Variants in SEZ6L observed in about 807,000 individuals in gnomAD.
SEZ6L encodes the protein seizure related 6 homolog like.
A neutral mutation model predicts 106.2 loss-of-function variants in SEZ6L; 37 were observed. The observed-to-expected ratio is 0.35, with a 90% confidence interval of 0.27 to 0.46. The LOEUF (loss-of-function observed/expected upper bound fraction) is 0.46, where lower values mean the gene tolerates loss of function less well. Ranked by LOEUF, SEZ6L falls within the 20% of genes least tolerant of loss-of-function variation. SEZ6L has a pLI of 1.00. For missense variants in SEZ6L, 1,172 were observed against 1,332.8 expected, an observed-to-expected ratio of 0.88 and a Z score of 1.88; for synonymous variants, 541 against 570.4, an observed-to-expected ratio of 0.95 and a Z score of 0.73.
rs1230779974 is a variant in SEZ6L at position 26,311,798 on chromosome 22, A to G, written c.1712A>G (p.Tyr571Cys). 1.2e-6 allele frequency: 2 copies of G among 1,614,174 alleles called. No homozygotes were observed. Among genetic ancestry groups the G allele is most frequent in the East Asian group, 2.2e-5 (1 of 44,882 alleles). ...AFEKGHCYEP[Y>C]IQNGNFTTSD... ...GAGAAAGGCCACTGCTATGAGCCCT[A>G]CATCCAGAATGGGAACTTCACTACA... Residue 571 changes from tyrosine (Y) to cysteine (C), a missense_variant, in exon 8 of 17, where the codon TAC becomes TGC. By Grantham distance (194) the Tyr-to-Cys change is radical. Coordinates refer to ENST00000248933, the MANE Select transcript of SEZ6L (RefSeq NM_021115.5).
chr22:26,365,215 A>G (rs1352489826), intron 12 of SEZ6L, among the ~76,000 whole-genome samples, 157 bp from the exon 13 acceptor site: 1 of 152,194 alleles, frequency 6.6e-6, no homozygotes, highest in East Asian at 1.9e-4. Context: ...GAAGACAGAA[A>G]GAACAGTTTG....
intron 1 of SEZ6L, among the ~76,000 whole-genome samples, chr22:26,266,948 G>C (rs1477122851): frequency 6.6e-6 from 1 of 152,164 alleles, no homozygotes; most frequent in Non-Finnish European, 1.5e-5. Flanking sequence ...TGTAAAGAAG[G>C]CTTTGCAAAG....
At chr22:26,365,250 A>C in intron 12 of SEZ6L, 122 bp from the exon 13 acceptor site, 1 of 736,444 alleles carries the variant, frequency 1.4e-6, no homozygotes, top group Non-Finnish European at 2.3e-6. Context: ...GTCTGATGCA[A>C]GGTGGGGATG....
At chr22:26,211,734 G>A (rs1309034662) in intron 1 of SEZ6L, among the ~76,000 whole-genome samples, 1 of 145,060 alleles carries the variant, frequency 6.9e-6, no homozygotes, top group Non-Finnish European at 1.5e-5. Context: ...ACTCAGCAGG[G>A]TGAGGTGAGA....
At chr22:26,344,170 T>C (rs766240968) in intron 10 of SEZ6L, among the ~76,000 whole-genome samples, 1 of 152,202 alleles carries the variant, frequency 6.6e-6, no homozygotes, top group Non-Finnish European at 1.5e-5. Context: ...GGCCAAAGTT[T>C]ATCTGCTATG....
chr22:26,358,431 A>G (rs12628785), intron 12 of SEZ6L, among the ~76,000 whole-genome samples: 1,685 of 152,334 alleles, frequency 0.011, 73 homozygotes, highest in East Asian at 0.098. Flanking sequence ...GCAAGTCGTC[A>G]GTTAACATTG....
intron 1 of SEZ6L, among the ~76,000 whole-genome samples, chr22:26,232,500 A>T (rs571533033): frequency 1.9e-4 from 29 of 152,266 alleles, no homozygotes; most frequent in African/African-American, 6.5e-4. Context: ...CCGCATAACA[A>T]CATTTCAGTC....
At position 26,311,875 on chromosome 22, in the gene SEZ6L, G is replaced by A. The variant is rs375633558; in HGVS notation, c.1789G>A (p.Gly597Ser). Residue 597 changes from glycine to serine, a missense_variant, in exon 8 of 17, where the codon GGC becomes AGC. Coordinates refer to ENST00000248933, the MANE Select transcript of SEZ6L (RefSeq NM_021115.5). Reference protein sequence around the residue: ...GTIVEFTCDPGHSLEQGPAII... With the variant: ...GTIVEFTCDPSHSLEQGPAII... ...TATAGTGGAGTTCACCTGCGACCCC[G>A]GCCACTCCCTGGAGCAGGGCCCGGC... The A allele has an allele frequency of 1.4e-4, 227 of 1,613,984 alleles. No individual in the cohort carries two copies. Among genetic ancestry groups the A allele is most frequent in the Non-Finnish European group, 1.8e-4 (216 of 1,180,026 alleles).
intron 9 of SEZ6L, among the ~76,000 whole-genome samples, chr22:26,333,927 C>G (rs758510965): frequency 6.6e-6 from 1 of 152,040 alleles, no homozygotes; most frequent in African/African-American, 2.4e-5. Flanking sequence ...CCAAGAGCAT[C>G]GTGCTTTGGA....
intron 5 of SEZ6L, among the ~76,000 whole-genome samples, chr22:26,304,455 C>T (rs2081574219): frequency 6.6e-6 from 1 of 151,040 alleles, no homozygotes; most frequent in Non-Finnish European, 1.5e-5. Context: ...AAATTCAAAA[C>T]TGTTCTCTCA....
intron 1 of SEZ6L, among the ~76,000 whole-genome samples, chr22:26,289,580 C>T (rs1235747373): frequency 6.6e-6 from 1 of 152,232 alleles, no homozygotes. Flanking sequence ...TGCCCTCATG[C>T]CATCCACTCA....
chr22:26,342,415 C>T (rs879597424), intron 10 of SEZ6L, among the ~76,000 whole-genome samples: 10 of 151,972 alleles, frequency 6.6e-5, no homozygotes, highest in Non-Finnish European at 1.0e-4. Context: ...CTCGGCCGGG[C>T]GCAGTGGCTC....
At chr22:26,232,343 CT>C (rs1198338279) in intron 1 of SEZ6L, among the ~76,000 whole-genome samples, 1 of 125,992 alleles carries the variant, frequency 7.9e-6, no homozygotes, top group Admixed American at 9.2e-5. Flanking sequence ...CTCTCTCTGT[CT>C]TTCACACACA....
rs547307644 is a variant in SEZ6L at position 26,382,936 on chromosome 22, T to C, written c.*2641T>C. The stretch of plus-strand genomic sequence containing the variant: ...CAGTGGGGAAATACGTTTACAGAGA[T>C]TGTGAGCTTCAGAGAATGCATGTGA... On this transcript the variant is annotated 3_prime_UTR_variant, in exon 17 of 17. Transcript: ENST00000248933. 6.6e-6 allele frequency: 1 copy of C among 152,274 alleles called. No homozygotes were observed. Among genetic ancestry groups the C allele is most frequent in the East Asian group, 1.9e-4 (1 of 5,184 alleles). The allele number at this position is 152,274 out of a possible 1,614,324, so 9.4% of individuals were successfully genotyped here.
chr22:26,233,876 A>G (rs5761428), intron 1 of SEZ6L, among the ~76,000 whole-genome samples: 127,097 of 152,076 alleles, frequency 0.84, 53,363 homozygotes, highest in East Asian at 1. Flanking sequence ...TGGGCAGTGA[A>G]GAGGAGCCAG....
intron 1 of SEZ6L, among the ~76,000 whole-genome samples, chr22:26,232,346 TCACACACA>T (rs10654892): frequency 0.22 from 29,202 of 133,140 alleles, 3,429 homozygotes; most frequent in Non-Finnish European, 0.27. Flanking sequence ...TCTCTGTCTT[TCACACACA>T]CACACACACA....
intron 5 of SEZ6L, 65 bp from the exon 6 acceptor site, chr22:26,305,914 G>A: frequency 6.9e-7 from 1 of 1,439,904 alleles, no homozygotes; most frequent in Non-Finnish European, 9.6e-7. Flanking sequence ...CTTTCTCTCT[G>A]TCTCTCTCCT....
intron 1 of SEZ6L, among the ~76,000 whole-genome samples, chr22:26,216,186 C>T (rs903683957): frequency 4.6e-5 from 7 of 152,136 alleles, no homozygotes; most frequent in African/African-American, 1.7e-4. Flanking sequence ...CCAGGGAGAG[C>T]TGGGACCTTG....
intron 9 of SEZ6L, among the ~76,000 whole-genome samples, chr22:26,332,534 C>A (rs2082519013): frequency 6.6e-6 from 1 of 151,554 alleles, no homozygotes; most frequent in Admixed American, 6.6e-5. Flanking sequence ...GCAGCCTCAA[C>A]CTCCAGTGCT....
Sources: allele counts gnomAD v4.1 joint callset (sites outside exome capture counted in the v4.1 genomes callset), GRCh38; gene constraint gnomAD v4.1.1; transcripts MANE v1.5; gene names NCBI Gene and HGNC (gene_info 2026-07-23, HGNC 2026-07-21).